Variants in FER observed in about 807,000 individuals in gnomAD.
FER encodes the protein FER tyrosine kinase.
A neutral mutation model predicts 111.0 loss-of-function variants in FER; 63 were observed. The ratio of observed to expected loss-of-function variants is 0.57; its 90% confidence interval spans 0.46 to 0.70. The LOEUF (loss-of-function observed/expected upper bound fraction) is 0.70. FER is among the 30% of genes least tolerant of loss of function. The pLI is 0.00. For missense variants in FER, 914 were observed against 954.0 expected, an observed-to-expected ratio of 0.96 and a Z score of 0.55; for synonymous variants, 327 against 313.9, an observed-to-expected ratio of 1.04 and a Z score of -0.44.
intron 13 of FER, among the ~76,000 whole-genome samples, chr5:108,995,193 T>A (rs979885702): frequency 1.3e-5 from 2 of 152,198 alleles, no homozygotes; most frequent in African/African-American, 4.8e-5. Flanking sequence ...TGTACAGTTT[T>A]AAGGGGAATG....
chr5:108,904,886 G>T (rs1750535141), intron 10 of FER, among the ~76,000 whole-genome samples: 1 of 152,032 alleles, frequency 6.6e-6, no homozygotes, highest in Non-Finnish European at 1.5e-5. Flanking sequence ...TTACCATGCT[G>T]AACTTCAGTG....
At chr5:108,986,079 C>G (rs1453920750) in intron 13 of FER, among the ~76,000 whole-genome samples, 1 of 152,154 alleles carries the variant, frequency 6.6e-6, no homozygotes, top group Admixed American at 6.5e-5. Flanking sequence ...TCCCTTTTCA[C>G]CACATCTATG....
At chr5:108,774,298 A>G (rs1160306165) in intron 2 of FER, among the ~76,000 whole-genome samples, 2 of 152,112 alleles carry the variant, frequency 1.3e-5, no homozygotes, top group African/African-American at 2.4e-5. Flanking sequence ...TATCCAGTCT[A>G]TCATTGATGG....
intron 5 of FER, among the ~76,000 whole-genome samples, chr5:108,841,449 T>C (rs1029296028): frequency 6.6e-6 from 1 of 152,226 alleles, no homozygotes; most frequent in African/African-American, 2.4e-5. Context: ...TAAAAACTTT[T>C]AACTTGTATA....
intron 1 of FER, among the ~76,000 whole-genome samples, chr5:108,761,130 A>G (rs1751695395): frequency 6.6e-6 from 1 of 151,928 alleles, no homozygotes; most frequent in African/African-American, 2.4e-5. Flanking sequence ...GGGTTTCACC[A>G]TGTTTGTCAG....
intron 13 of FER, among the ~76,000 whole-genome samples, chr5:108,973,770 A>G (rs6882759): frequency 0.14 from 20,736 of 152,042 alleles, 2,055 homozygotes; most frequent in African/African-American, 0.28. Flanking sequence ...ATGGTGGCCT[A>G]TAAGAGGTAT....
intron 17 of FER, among the ~76,000 whole-genome samples, chr5:109,109,964 T>C (rs557564608): frequency 6.6e-6 from 1 of 152,298 alleles, no homozygotes; most frequent in Non-Finnish European, 1.5e-5. Flanking sequence ...TACTGGTTTT[T>C]GTGCCAAATC....
At chr5:109,059,809 C>G (rs1581848076) in intron 16 of FER, among the ~76,000 whole-genome samples, 1 of 152,110 alleles carries the variant, frequency 6.6e-6, no homozygotes, top group Non-Finnish European at 1.5e-5. Context: ...TTCATATGAC[C>G]TAAGAATTCC....
intron 13 of FER, among the ~76,000 whole-genome samples, chr5:108,980,994 GGAAA>G (rs1761960195): frequency 6.6e-6 from 1 of 152,038 alleles, no homozygotes; most frequent in Admixed American, 6.6e-5. Flanking sequence ...ACACGCTGTT[GGAAA>G]ATGACATCAA....
intron 3 of FER, among the ~76,000 whole-genome samples, chr5:108,804,342 G>T (rs1292469044): frequency 6.6e-6 from 1 of 152,038 alleles, no homozygotes; most frequent in Non-Finnish European, 1.5e-5. Context: ...TTGCCTGATT[G>T]TTCTGGCTAG....
intron 17 of FER, among the ~76,000 whole-genome samples, chr5:109,118,843 G>C (rs1415572283): frequency 1.3e-5 from 2 of 151,854 alleles, no homozygotes; most frequent in African/African-American, 2.4e-5. Context: ...TGTGGGATCA[G>C]TGGTGATATC....
At chr5:108,777,224 T>C (rs1753587050) in intron 2 of FER, among the ~76,000 whole-genome samples, 1 of 152,242 alleles carries the variant, frequency 6.6e-6, no homozygotes, top group Admixed American at 6.5e-5. Context: ...CTTGCAGATA[T>C]TTGCTCCCAA....
At chr5:108,825,860 G>A (rs1462028815) in intron 3 of FER, among the ~76,000 whole-genome samples, 5 of 152,126 alleles carry the variant, frequency 3.3e-5, no homozygotes, top group African/African-American at 7.2e-5. Context: ...CTGACTTCCC[G>A]CAACACAAGA....
At chr5:109,108,254 C>G (rs754027430) in intron 17 of FER, among the ~76,000 whole-genome samples, 1 of 152,078 alleles carries the variant, frequency 6.6e-6, no homozygotes, top group Non-Finnish European at 1.5e-5. Flanking sequence ...TTTCTAATGT[C>G]ACACAGCTAG....
At chr5:109,091,473 C>CGT (rs1746749712) in intron 16 of FER, among the ~76,000 whole-genome samples, 1 of 152,184 alleles carries the variant, frequency 6.6e-6, no homozygotes, top group Admixed American at 6.5e-5. Context: ...TCCACGGAGA[C>CGT]CCTCAGAGCC....
intron 16 of FER, among the ~76,000 whole-genome samples, chr5:109,078,777 G>T (rs956170194): frequency 2.0e-5 from 3 of 152,148 alleles, no homozygotes; most frequent in African/African-American, 7.2e-5. Flanking sequence ...TTTGCCAACA[G>T]ATTACATAGA....
At chr5:109,064,944 G>A (rs2149977048) in intron 16 of FER, among the ~76,000 whole-genome samples, 1 of 152,122 alleles carries the variant, frequency 6.6e-6, no homozygotes, top group East Asian at 1.9e-4. Context: ...TCCAAAAGAT[G>A]AACAAAGTTT....
At chr5:108,844,077 CATATATGCGTGTGA>C (rs1761581413) in intron 5 of FER, among the ~76,000 whole-genome samples, 1 of 131,278 alleles carries the variant, frequency 7.6e-6, no homozygotes, top group African/African-American at 2.7e-5. Context: ...TGTGTGTGAA[CATATATGCGTGTGA>C]ACATATGTGT....
chr5:108,902,636 T>C (rs75120690), intron 10 of FER, among the ~76,000 whole-genome samples: 1 of 152,312 alleles, frequency 6.6e-6, no homozygotes, highest in South Asian at 2.1e-4. Flanking sequence ...GGAGCATACT[T>C]TGGGAAATGC....
Sources: gnomAD v4.1 joint callset for allele counts (sites outside exome capture counted in the v4.1 genomes callset) on GRCh38, gnomAD v4.1.1 for gene constraint, MANE v1.5 for transcripts, NCBI Gene and HGNC (gene_info 2026-07-23, HGNC 2026-07-21) for gene names.